Variants in ADGRV1 observed in about 807,000 individuals in gnomAD.
ADGRV1 encodes G-protein coupled receptor 98.
A neutral mutation model predicts 596.2 loss-of-function variants in ADGRV1; 359 were observed. That is an observed-to-expected ratio of 0.60 (90% CI 0.55 to 0.66). The LOEUF (loss-of-function observed/expected upper bound fraction) is 0.66, where lower values mean the gene tolerates loss of function less well. Ranked by LOEUF, ADGRV1 falls within the 30% of genes least tolerant of loss-of-function variation. The pLI is 0.00. For synonymous variants in ADGRV1, 2,681 were observed against 2,679.2 expected (o/e 1.00, Z -0.02); for missense variants, 7,274 against 7,575.6 (o/e 0.96, Z 1.48).
intron 83 of ADGRV1, chr5:90,929,202 T>A (rs1350396180): frequency 6.2e-6 from 1 of 161,424 alleles, no homozygotes; most frequent in Non-Finnish European, 1.3e-5. Flanking sequence ...TCAGCAAGCC[T>A]GGGCAATGGC....
chr5:91,149,635 C>T (rs1031453015), intron 87 of ADGRV1, among the ~76,000 whole-genome samples: 2 of 151,886 alleles, frequency 1.3e-5, no homozygotes, highest in African/African-American at 4.8e-5. Context: ...AGTTCGAGAC[C>T]AGCCTGGCCA....
intron 50 of ADGRV1, among the ~76,000 whole-genome samples, chr5:90,734,864 A>AT (rs1419681809): frequency 6.6e-6 from 1 of 152,078 alleles, no homozygotes; most frequent in Non-Finnish European, 1.5e-5. Flanking sequence ...GGCCTAGCCT[A>AT]TTTTTTAATT....
intron 89 of ADGRV1, among the ~76,000 whole-genome samples, chr5:91,159,281 G>T (rs1012163434): frequency 6.6e-6 from 1 of 152,178 alleles, no homozygotes. Flanking sequence ...ACAAATGCTT[G>T]TCAGCAGGCT....
Position 90,776,437 on chromosome 5 carries a change from A to G in ADGRV1, c.12404-16A>G, listed in dbSNP as rs1758239610. The G allele has an allele frequency of 3.1e-6, 5 of 1,602,486 alleles. No individual in the cohort carries two copies. Among genetic ancestry groups the G allele is most frequent in the Non-Finnish European group, 4.3e-6 (5 of 1,173,112 alleles). On this transcript the variant is annotated splice_polypyrimidine_tract_variant and intron_variant, in intron 60 of 89. Transcript: ENST00000405460. ...GTGCACCTGCTACAAAGTGGTCTATATCATCTTGAATTTAGGTAGTGCATC... is the reference window on the plus strand; with the variant it reads ...GTGCACCTGCTACAAAGTGGTCTATGTCATCTTGAATTTAGGTAGTGCATC...
intron 77 of ADGRV1, among the ~76,000 whole-genome samples, chr5:90,831,766 C>T (rs1042723104): frequency 1.1e-4 from 16 of 152,112 alleles, no homozygotes; most frequent in Non-Finnish European, 2.4e-4. Flanking sequence ...ATTCTACTCC[C>T]TATCTTCATG....
At chr5:91,031,374 T>G (rs1193240074) in intron 85 of ADGRV1, 7 of 1,131,328 alleles carry the variant, frequency 6.2e-6, no homozygotes. Flanking sequence ...CGGAAGTTCA[T>G]CATTCTGCAT....
chr5:90,624,771 C>A (rs540812840), intron 5 of ADGRV1, among the ~76,000 whole-genome samples: 50 of 152,250 alleles, frequency 3.3e-4, no homozygotes, highest in Non-Finnish European at 6.3e-4. Context: ...TTCTTCACAT[C>A]TTCACATCCA....
chr5:90,904,594 TA>T (rs528582800), intron 83 of ADGRV1, among the ~76,000 whole-genome samples: 4 of 151,868 alleles, frequency 2.6e-5, no homozygotes, highest in East Asian at 3.9e-4. Context: ...TTTTTGCCAA[TA>T]TTTTTTTTTC....
At chr5:90,936,073 T>G (rs1377587253) in intron 83 of ADGRV1, among the ~76,000 whole-genome samples, 1 of 152,208 alleles carries the variant, frequency 6.6e-6, no homozygotes, top group Non-Finnish European at 1.5e-5. Context: ...GCATTTGTAA[T>G]AAGTTACCAG....
At chr5:90,697,895 A>G (rs1030921500) in intron 34 of ADGRV1, among the ~76,000 whole-genome samples, 13 of 152,252 alleles carry the variant, frequency 8.5e-5, no homozygotes, top group South Asian at 2.1e-4. Flanking sequence ...AATAAATGAA[A>G]AGGATATAGA....
chr5:91,094,129 G>A (rs1375740289), intron 86 of ADGRV1, among the ~76,000 whole-genome samples: 3 of 152,010 alleles, frequency 2.0e-5, no homozygotes, highest in African/African-American at 4.8e-5. Flanking sequence ...TGGGATTATA[G>A]GCATGAGCCA....
chr5:90,781,707 T>G, intron 65 of ADGRV1, 129 bp downstream of exon 65: 1 of 751,120 alleles, frequency 1.3e-6, no homozygotes, highest in Non-Finnish European at 2.1e-6. Flanking sequence ...CATATACACT[T>G]TTATATTTAT....
intron 83 of ADGRV1, among the ~76,000 whole-genome samples, chr5:90,912,585 T>C (rs535284082): frequency 1.3e-4 from 20 of 152,266 alleles, no homozygotes; most frequent in African/African-American, 4.6e-4. Flanking sequence ...GCCATCTTTA[T>C]GTCCATGAGT....
At chr5:90,929,233 C>G (rs568534014) in intron 83 of ADGRV1, 22 of 158,540 alleles carry the variant, frequency 1.4e-4, no homozygotes, top group African/African-American at 5.1e-4. Flanking sequence ...CCCCCAGCCT[C>G]GCTGCCGCCT....
chr5:90,834,560 G>T (rs1215456324), intron 77 of ADGRV1, among the ~76,000 whole-genome samples: 1 of 150,898 alleles, frequency 6.6e-6, no homozygotes, highest in African/African-American at 2.5e-5. Flanking sequence ...CTGCTTTTAG[G>T]ATTCTTTTTT....
Position 90,957,719 on chromosome 5 carries a change from T to G in ADGRV1, c.17857-7696T>G, listed in dbSNP as rs188625982. Among the ~76,000 whole-genome samples the G allele has an allele frequency of 5.2e-3, 786 of 150,568 alleles. 5 individuals carry two copies. Among genetic ancestry groups the G allele is most frequent in the African/African-American group, 0.018 (742 of 41,276 alleles). On this transcript the variant is annotated intron_variant, in intron 83 of 89. Transcript: ENST00000405460. ...TCAATCTATTTTAAAGATAATTAAC[T>G]ATTGAAGAAAAAATAATAGCAAAGT...
At chr5:91,086,053 C>G (rs1283645812) in intron 86 of ADGRV1, among the ~76,000 whole-genome samples, 2 of 152,164 alleles carry the variant, frequency 1.3e-5, no homozygotes, top group African/African-American at 4.8e-5. Context: ...AACCAGCCTT[C>G]CTTGAAAAGT....
At chr5:91,086,910 G>T (rs2126547471) in intron 86 of ADGRV1, among the ~76,000 whole-genome samples, 2 of 152,222 alleles carry the variant, frequency 1.3e-5, no homozygotes, top group South Asian at 2.1e-4. Flanking sequence ...ATTATGTATT[G>T]TTTAACCTGG....
At chr5:90,846,824 C>T (rs1228443562) in intron 78 of ADGRV1, among the ~76,000 whole-genome samples, 1 of 152,190 alleles carries the variant, frequency 6.6e-6, no homozygotes, top group Non-Finnish European at 1.5e-5. Flanking sequence ...CCACATCCTG[C>T]TGATTGGTCC....
Sources: allele counts gnomAD v4.1 joint callset (sites outside exome capture counted in the v4.1 genomes callset), GRCh38; gene constraint gnomAD v4.1.1; transcripts MANE v1.5; gene names NCBI Gene and HGNC (gene_info 2026-07-23, HGNC 2026-07-21).